The following ATR variants were observed in gnomAD, a reference collection of about 807,000 sequenced individuals.
The protein encoded by ATR is serine/threonine-protein kinase ATR.
Under a neutral mutation model 305.3 loss-of-function variants are expected in ATR, and 142 were observed. The observed-to-expected ratio is 0.47, with a 90% CI of 0.41 to 0.53. The LOEUF (loss-of-function observed/expected upper bound fraction) is 0.53. Among genes scored for constraint, ATR ranks in the 20% least tolerant of loss-of-function variants. The probability of loss-of-function intolerance (pLI) is 0.00; values close to 1 mark genes in which losing one functional copy is unlikely to be tolerated. For missense variants in ATR, 2,135 were observed against 3,133.1 expected, an observed-to-expected ratio of 0.68 and a Z score of 7.60; for synonymous variants, 1,050 against 1,068.1, an observed-to-expected ratio of 0.98 and a Z score of 0.33.
At chr3:142,457,543 T>C (rs556927325) in intron 45 of ATR, 61 bp downstream of exon 45, 3 of 1,602,154 alleles carry the variant, frequency 1.9e-6, no homozygotes, top group African/African-American at 1.3e-5. Context: ...CAAACATATG[T>C]AGGGGCCAAT....
intron 46 of ATR, chr3:142,450,613 G>A: frequency 6.2e-7 from 1 of 1,607,776 alleles, no homozygotes. Context: ...CTTAGGAAAA[G>A]GTGGATATGG....
chr3:142,561,489 C>T (rs868628953), intron 4 of ATR, 68 bp from the exon 5 acceptor site: 3 of 1,469,290 alleles, frequency 2.0e-6, no homozygotes, highest in African/African-American at 2.8e-5. Flanking sequence ...TCATAGGCAG[C>T]AAGAATGTAT....
chr3:142,476,493 G>C lies in ATR; in HGVS notation c.6222-6310C>G, dbSNP rs551619164. Among the ~76,000 whole-genome samples, 1,321 of 152,228 alleles carry C rather than the reference G, an allele frequency of 8.7e-3. 23 individuals carry two copies. Among genetic ancestry groups the C allele is most frequent in the African/African-American group, 0.029 (1,213 of 41,524 alleles). ...CCAGTACCATGCTGTTTTGGTTACT[G>C]TAGCCTTGTAGTATAGCTTGAAGTC... On this transcript the variant is annotated intron_variant, in intron 36 of 46. Coordinates refer to ENST00000350721, the MANE Select transcript of ATR (RefSeq NM_001184.4).
At chr3:142,525,427 T>TA (rs943372254) in intron 21 of ATR, among the ~76,000 whole-genome samples, 64 of 148,166 alleles carry the variant, frequency 4.3e-4, no homozygotes, top group Admixed American at 6.0e-4. Flanking sequence ...CTCCTACAGT[T>TA]AAAAAAAAAA....
At chr3:142,513,369 G>T in intron 26 of ATR, 132 bp downstream of exon 26, 4 of 1,063,168 alleles carry the variant, frequency 3.8e-6, no homozygotes, top group Non-Finnish European at 5.7e-6. Context: ...AACAGGCAAA[G>T]ATATGTAAAT....
chr3:142,573,808 C>A (rs2035351920), intron 1 of ATR, among the ~76,000 whole-genome samples: 1 of 152,134 alleles, frequency 6.6e-6, no homozygotes, highest in African/African-American at 2.4e-5. Flanking sequence ...ATTTACAGCA[C>A]ATCTCAATTT....
At chr3:142,470,640 C>T (rs970535444) in intron 36 of ATR, among the ~76,000 whole-genome samples, 1 of 152,060 alleles carries the variant, frequency 6.6e-6, no homozygotes, top group Non-Finnish European at 1.5e-5. Flanking sequence ...CTTTATCATG[C>T]TCTCCCCTTA....
chr3:142,547,991 T>A, intron 15 of ATR, 81 bp from the exon 16 acceptor site: 2 of 1,240,220 alleles, frequency 1.6e-6, no homozygotes, highest in South Asian at 2.5e-5. Flanking sequence ...TAACATGCTA[T>A]TAGTACATCA....
intron 3 of ATR, 133 bp from the exon 4 acceptor site, chr3:142,563,242 G>A (rs2034949218): frequency 1.1e-6 from 1 of 931,684 alleles, no homozygotes; most frequent in Admixed American, 3.0e-5. Flanking sequence ...TCTTCACAAT[G>A]GAAACATAAT....
At chr3:142,492,201 T>G (rs367573542) in intron 35 of ATR, among the ~76,000 whole-genome samples, 1 of 152,164 alleles carries the variant, frequency 6.6e-6, no homozygotes, top group African/African-American at 2.4e-5. Flanking sequence ...ACTTCTAAGG[T>G]GTGGCCCTTT....
intron 7 of ATR, chr3:142,559,030 T>C (rs2034782912): frequency 1.9e-5 from 12 of 638,190 alleles, no homozygotes; most frequent in Admixed American, 6.8e-5. Flanking sequence ...TTAAAAAACT[T>C]TGAAGTTATA....
At chr3:142,514,763 G>T (rs1213281591) in intron 25 of ATR, among the ~76,000 whole-genome samples, 1 of 135,380 alleles carries the variant, frequency 7.4e-6, no homozygotes, top group African/African-American at 2.8e-5. Flanking sequence ...AGCCGAGATC[G>T]CACCACTGCA....
At chr3:142,456,799 T>A (rs2070918911) in intron 45 of ATR, among the ~76,000 whole-genome samples, 1 of 152,180 alleles carries the variant, frequency 6.6e-6, no homozygotes, top group Non-Finnish European at 1.5e-5. Flanking sequence ...GATAAAGATG[T>A]TATCTAAAGA....
At position 142,449,526 on chromosome 3, in the gene ATR, G is replaced by A. The variant is rs1034620994; in HGVS notation, c.7838C>T (p.Pro2613Leu). 1 of 1,613,418 alleles carries A rather than the reference G, an allele frequency of 6.2e-7. No homozygotes were observed. ...IKTRNRVTGL[P>L]LSIEGHVHYL... ...ATGCACATGTCCTTCAATAGATAAC[G>A]GCAGTCCTGTCACTCTATTTCGAGT... Residue 2613 changes from proline (P) to leucine (L), a missense_variant, in exon 47 of 47, where the codon CCG becomes CTG. Pro to Leu is a moderately conservative substitution (Grantham distance 98, BLOSUM62 -3). This residue lies in a region of ATR where 462 missense variants were observed against 887.6 expected (regional missense o/e 0.52). Transcript: ENST00000350721.
At chr3:142,480,786 G>A (rs1334509796) in intron 36 of ATR, among the ~76,000 whole-genome samples, 1 of 152,194 alleles carries the variant, frequency 6.6e-6, no homozygotes, top group Non-Finnish European at 1.5e-5. Flanking sequence ...CTCAGCAATG[G>A]CGGGCACTCC....
At chr3:142,521,595 A>G (rs904657796) in intron 23 of ATR, among the ~76,000 whole-genome samples, 1 of 152,220 alleles carries the variant, frequency 6.6e-6, no homozygotes, top group Admixed American at 6.5e-5. Context: ...ATCTATCAAC[A>G]TTAACAGGAG....
At chr3:142,471,213 T>C (rs892189237) in intron 36 of ATR, among the ~76,000 whole-genome samples, 5 of 152,206 alleles carry the variant, frequency 3.3e-5, no homozygotes, top group Admixed American at 6.6e-5. Flanking sequence ...TTTGTCCTTT[T>C]TGTGACTGGC....
At chr3:142,503,499 T>C (rs2032083547) in intron 29 of ATR, 46 bp from the exon 30 acceptor site, 1 of 1,285,650 alleles carries the variant, frequency 7.8e-7, no homozygotes, top group African/African-American at 1.5e-5. Context: ...ACTTCAATAA[T>C]AGCTTGGGGA....
At chr3:142,523,938 A>G in intron 22 of ATR, 55 bp downstream of exon 22, 1 of 1,544,526 alleles carries the variant, frequency 6.5e-7, no homozygotes, top group African/African-American at 1.4e-5. Flanking sequence ...AATGAAATAT[A>G]TAAACCTCAA....
Sources: allele counts gnomAD v4.1 joint callset (sites outside exome capture counted in the v4.1 genomes callset), GRCh38; gene constraint gnomAD v4.1.1; regional missense constraint gnomAD v4.1.1; transcripts MANE v1.5; gene names NCBI Gene and HGNC (gene_info 2026-07-23, HGNC 2026-07-21).